Variants in GPC5 observed in about 807,000 individuals in gnomAD.
GPC5 encodes the protein glypican 5.
A neutral mutation model predicts 53.9 loss-of-function variants in GPC5; 47 were observed. The ratio of observed to expected loss-of-function variants is 0.87; its 90% CI spans 0.69 to 1.11. The LOEUF is 1.11. GPC5 is among the 50% of genes most tolerant of loss of function. The pLI is 0.00. For synonymous variants in GPC5, 286 were observed against 263.3 expected (o/e 1.09, Z -0.84); for missense variants, 748 against 713.1 (o/e 1.05, Z -0.56).
chr13:92,230,979 C>T lies in GPC5; in HGVS notation c.1561+85990C>T, dbSNP rs550295064. ...AGAAAATACAGGATAAATGCAAAGGCAGCAAGGTGTCATGGAAGAGCAAAG... is the reference window on the plus strand; with the variant it reads ...AGAAAATACAGGATAAATGCAAAGGTAGCAAGGTGTCATGGAAGAGCAAAG... On this transcript the variant is annotated intron_variant, in intron 7 of 7. Transcript: ENST00000377067. 1.8e-4 allele frequency among the ~76,000 whole-genome samples: 28 copies of T among 152,222 alleles called. No individual in the cohort carries two copies. The South Asian group carries it at 4.8e-3, about 26-fold the overall frequency.
At chr13:92,809,786 GAAGT>G (rs1490552931) in intron 7 of GPC5, among the ~76,000 whole-genome samples, 1 of 152,006 alleles carries the variant, frequency 6.6e-6, no homozygotes, top group Non-Finnish European at 1.5e-5. Flanking sequence ...AAATCATTTA[GAAGT>G]AAGTATACAT....
chr13:92,273,538 A>G (rs2042854372), intron 7 of GPC5, among the ~76,000 whole-genome samples: 1 of 151,188 alleles, frequency 6.6e-6, no homozygotes, highest in Admixed American at 6.6e-5. Flanking sequence ...TTAAAACAGC[A>G]AAAAAAAACT....
chr13:91,695,156 T>C (rs1020147480), intron 3 of GPC5, among the ~76,000 whole-genome samples: 1 of 152,084 alleles, frequency 6.6e-6, no homozygotes, highest in Non-Finnish European at 1.5e-5. Flanking sequence ...TTCAGCTGGG[T>C]ATCCCTATAC....
At chr13:92,329,735 T>G (rs2043275942) in intron 7 of GPC5, among the ~76,000 whole-genome samples, 1 of 152,030 alleles carries the variant, frequency 6.6e-6, no homozygotes, top group African/African-American at 2.4e-5. Flanking sequence ...AACATGGAGT[T>G]TTTCAATGGC....
At chr13:92,844,909 C>T (rs551899976) in intron 7 of GPC5, among the ~76,000 whole-genome samples, 4 of 152,190 alleles carry the variant, frequency 2.6e-5, no homozygotes, top group Non-Finnish European at 5.9e-5. Context: ...AAGAGTGTTC[C>T]TAGAACCTTT....
chr13:91,485,673 T>C (rs1274510943), intron 2 of GPC5: 1 of 152,098 alleles, frequency 6.6e-6, no homozygotes, highest in African/African-American at 2.4e-5. Context: ...AATAATGAGA[T>C]TTAGGAAATA....
At chr13:91,572,093 GTGTGTGTATATACACACA>G (rs2031905747) in intron 2 of GPC5, among the ~76,000 whole-genome samples, 1 of 122,434 alleles carries the variant, frequency 8.2e-6, no homozygotes, top group Non-Finnish European at 1.6e-5. Flanking sequence ...ATATGTACAT[GTGTGTGTATATACACACA>G]TGTATATATA....
intron 6 of GPC5, among the ~76,000 whole-genome samples, chr13:92,135,684 A>C (rs1488918337): frequency 6.6e-6 from 1 of 152,220 alleles, no homozygotes; most frequent in Admixed American, 6.5e-5. Context: ...CAAGACTTTT[A>C]TAAATTGCCA....
At chr13:92,232,935 A>C (rs868357934) in intron 7 of GPC5, among the ~76,000 whole-genome samples, 8 of 152,232 alleles carry the variant, frequency 5.3e-5, no homozygotes, top group African/African-American at 1.9e-4. Flanking sequence ...GACCCAAAGA[A>C]CTTCTTAGTG....
In GPC5 at chr13:92,494,054, G is replaced by GT. The variant is rs10589362; in HGVS notation, c.1561+349074dup. 6.9e-3 allele frequency among the ~76,000 whole-genome samples: 1,018 copies of GT among 148,532 alleles called. 9 individuals are homozygous for GT. Among genetic ancestry groups the GT allele is most frequent in the African/African-American group, 0.024 (984 of 40,230 alleles). ...CTGGACATTAAAAGAATTACTTTGT[G>GT]TTTTTTTTTGTTTGTTTGTTTGTTT... is the stretch of plus-strand genomic sequence containing the variant. On this transcript the variant is annotated intron_variant, in intron 7 of 7. Transcript: ENST00000377067.
intron 7 of GPC5, among the ~76,000 whole-genome samples, chr13:92,227,874 C>T (rs2042499964): frequency 6.6e-6 from 1 of 152,000 alleles, no homozygotes; most frequent in Non-Finnish European, 1.5e-5. Flanking sequence ...AACTTAACTA[C>T]TGATAGCCTA....
At chr13:92,012,106 A>G (rs1005529597) in intron 6 of GPC5, among the ~76,000 whole-genome samples, 7 of 152,224 alleles carry the variant, frequency 4.6e-5, no homozygotes, top group Admixed American at 1.3e-4. Context: ...AGCTCTAATA[A>G]TGTAGACCTG....
At chr13:92,827,927 G>A (rs1877907301) in intron 7 of GPC5, among the ~76,000 whole-genome samples, 2 of 152,006 alleles carry the variant, frequency 1.3e-5, no homozygotes, top group Admixed American at 1.3e-4. Flanking sequence ...CAGATGAAAG[G>A]ACACATGAGA....
chr13:92,664,423 T>C (rs1886502812), intron 7 of GPC5, among the ~76,000 whole-genome samples: 1 of 152,034 alleles, frequency 6.6e-6, no homozygotes, highest in South Asian at 2.1e-4. Flanking sequence ...TCCTGTTGGA[T>C]TGTTTTGCTA....
intron 2 of GPC5, among the ~76,000 whole-genome samples, chr13:91,584,549 T>A (rs1448922543): frequency 2.0e-5 from 3 of 152,060 alleles, no homozygotes; most frequent in Admixed American, 6.6e-5. Context: ...ATTGATAATA[T>A]AAGAGAAAAT....
At chr13:92,746,290 G>A (rs1490694420) in intron 7 of GPC5, among the ~76,000 whole-genome samples, 2 of 152,060 alleles carry the variant, frequency 1.3e-5, no homozygotes, top group Admixed American at 1.3e-4. Flanking sequence ...CAGTCTTTCT[G>A]CAAAGCCAAC....
In GPC5 at chr13:92,525,292, G is replaced by C. The variant is rs537497900; in HGVS notation, c.1562-340990G>C. Among the ~76,000 whole-genome samples the C allele has an allele frequency of 2.0e-5, 3 of 152,188 alleles. No individual in the cohort carries two copies. In the South Asian group the frequency reaches 6.2e-4, roughly 32 times the overall value. ...GAGAGATTTTGCGCTGTTTATCATA[G>C]TACTCTGAATTGTAAATAATGGATT... On this transcript the variant is annotated intron_variant, in intron 7 of 7. Coordinates refer to ENST00000377067, the MANE Select transcript of GPC5 (RefSeq NM_004466.6).
At chr13:92,173,460 T>C (rs2042085017) in intron 7 of GPC5, among the ~76,000 whole-genome samples, 2 of 152,230 alleles carry the variant, frequency 1.3e-5, no homozygotes, top group Non-Finnish European at 2.9e-5. Flanking sequence ...ATGTACCTCA[T>C]GTGCCATGAG....
At chr13:92,325,863 C>T (rs749969483) in intron 7 of GPC5, among the ~76,000 whole-genome samples, 1 of 151,898 alleles carries the variant, frequency 6.6e-6, no homozygotes, top group African/African-American at 2.4e-5. Context: ...GAGGGGGTGA[C>T]GTTACAAAGG....
Sources: allele counts gnomAD v4.1 joint callset (sites outside exome capture counted in the v4.1 genomes callset), GRCh38; gene constraint gnomAD v4.1.1; transcripts MANE v1.5; gene names NCBI Gene and HGNC (gene_info 2026-07-23, HGNC 2026-07-21).